The following C7 variants were observed in gnomAD, a reference collection of about 807,000 sequenced individuals.
C7 encodes the protein complement C7.
Under a neutral mutation model 104.8 loss-of-function variants are expected in C7, and 83 were observed. The observed-to-expected ratio is 0.79, with a 90% CI of 0.66 to 0.95. The LOEUF (loss-of-function observed/expected upper bound fraction) is 0.95, where lower values mean the gene tolerates loss of function less well. Among genes scored for constraint, C7 ranks in the 40% least tolerant of loss-of-function variants. The pLI, the probability that C7 is intolerant of heterozygous loss-of-function variation, is 0.00. For missense variants in C7, 1,070 were observed against 1,011.2 expected (o/e 1.06, Z -0.79); for synonymous variants, 415 against 360.6 (o/e 1.15, Z -1.71).
chr5:40,978,824 C>T (rs1996343), intron 16 of C7, among the ~76,000 whole-genome samples: 26,907 of 148,632 alleles, frequency 0.18, 2,946 homozygotes, highest in Middle Eastern at 0.37. Flanking sequence ...TATTTTTTTC[C>T]ACTATTTTAG....
intron 6 of C7, among the ~76,000 whole-genome samples, 183 bp from the exon 7 acceptor site, chr5:40,945,015 A>C (rs1174380253): frequency 6.6e-6 from 1 of 152,184 alleles, no homozygotes; most frequent in Non-Finnish European, 1.5e-5. Context: ...CCTGCTTAAT[A>C]AAAAAATAAT....
chr5:40,954,826 T>C (rs114193233), intron 9 of C7: 1,730 of 169,854 alleles, frequency 0.01, 34 homozygotes, highest in African/African-American at 0.041. Flanking sequence ...AGAGTTTGCA[T>C]TGAGTATGCC....
chr5:40,966,614 T>C lies in C7; in HGVS notation c.1882+1741T>C, dbSNP rs560899150. On this transcript the variant is annotated intron_variant, in intron 14 of 17. Transcript: ENST00000313164. Reference sequence around the variant, plus strand: ...GGATGGTCTTGAACTCCTGACCTCGTGATCTGCCTGAATCGGCCTCCCAAA... The same window carrying C: ...GGATGGTCTTGAACTCCTGACCTCGCGATCTGCCTGAATCGGCCTCCCAAA... 5.9e-5 allele frequency among the ~76,000 whole-genome samples: 9 copies of C among 152,186 alleles called. No individual in the cohort carries two copies. In the South Asian group the frequency reaches 1.7e-3, roughly 28 times the overall value.
chr5:40,974,711 C>T (rs901294292), intron 15 of C7, among the ~76,000 whole-genome samples: 39 of 152,256 alleles, frequency 2.6e-4, no homozygotes, highest in African/African-American at 8.9e-4. Flanking sequence ...AGCCACTGCG[C>T]CCGGCTTGAC....
chr5:40,942,666 A>G (rs1417549474), intron 6 of C7, among the ~76,000 whole-genome samples: 1 of 152,124 alleles, frequency 6.6e-6, no homozygotes, highest in Non-Finnish European at 1.5e-5. Flanking sequence ...GACTAGAGAA[A>G]TAAAGTATTG....
At chr5:40,972,311 C>A in intron 14 of C7, 92 bp from the exon 15 acceptor site, 2 of 1,017,796 alleles carry the variant, frequency 2.0e-6, no homozygotes, top group Non-Finnish European at 3.0e-6. Flanking sequence ...TATGAAAAAG[C>A]AGAACAAGTG....
chr5:40,971,657 T>G (rs1235780137), intron 14 of C7, among the ~76,000 whole-genome samples: 2 of 152,234 alleles, frequency 1.3e-5, no homozygotes, highest in Admixed American at 6.5e-5. Flanking sequence ...ATGAAGTCTT[T>G]GCCCATGCTT....
At chr5:40,953,978 G>T (rs1740233033) in intron 9 of C7, among the ~76,000 whole-genome samples, 1 of 61,408 alleles carries the variant, frequency 1.6e-5, no homozygotes, top group Admixed American at 1.9e-4. Context: ...AATTTGGACA[G>T]TTACAAGGAA....
At chr5:40,916,715 T>TAAA (rs542556625) in intron 1 of C7, among the ~76,000 whole-genome samples, 5 of 151,502 alleles carry the variant, frequency 3.3e-5, no homozygotes, top group African/African-American at 9.7e-5. Context: ...ATTTTTTTTT[T>TAAA]AAAAAAGCAT....
At chr5:40,957,899 G>T in intron 10 of C7, 134 bp from the exon 11 acceptor site, 1 of 556,052 alleles carries the variant, frequency 1.8e-6, no homozygotes, top group Non-Finnish European at 3.0e-6. Flanking sequence ...CTTTGTATTT[G>T]CATAAGAAAC....
At chr5:40,954,205 A>G (rs1740238022) in intron 9 of C7, among the ~76,000 whole-genome samples, 1 of 152,200 alleles carries the variant, frequency 6.6e-6, no homozygotes, top group African/African-American at 2.4e-5. Context: ...CAGATGCAAT[A>G]AACTGTTTTC....
At chr5:40,936,582 A>T in intron 5 of C7, 97 bp downstream of exon 5, 2 of 1,124,068 alleles carry the variant, frequency 1.8e-6, no homozygotes, top group Non-Finnish European at 2.5e-6. Context: ...AAGTCTTCTA[A>T]TAGGCAAGAT....
In C7 at chr5:40,981,876, A is replaced by T. The variant is rs561578629; in HGVS notation, c.*303A>T. 6.5e-5 allele frequency: 15 copies of T among 230,694 alleles called. No individual in the cohort carries two copies. The highest frequency in any genetic ancestry group is 2.3e-4 in the African/African-American group (10 of 44,412). 14.3% of individuals were successfully genotyped at this position (230,694 alleles called of 1,614,324 possible). Reference sequence around the variant, plus strand: ...TTTTTAAAATCTGTAAAATTAGAGGATTGCACTAGAGAAACTTGAATGCTC... The same window carrying T: ...TTTTTAAAATCTGTAAAATTAGAGGTTTGCACTAGAGAAACTTGAATGCTC... On this transcript the variant is annotated 3_prime_UTR_variant, in exon 18 of 18. Transcript: ENST00000313164.
chr5:40,955,579 T>C (rs753235290), intron 10 of C7, 26 bp downstream of exon 10: 1 of 1,592,806 alleles, frequency 6.3e-7, no homozygotes, highest in African/African-American at 1.3e-5. Flanking sequence ...TTTAAAGCAA[T>C]AGGAAGCAGT....
At chr5:40,950,979 G>A (rs114095153) in intron 9 of C7, among the ~76,000 whole-genome samples, 1 of 152,110 alleles carries the variant, frequency 6.6e-6, no homozygotes, top group South Asian at 2.1e-4. Context: ...TCCATTAAAA[G>A]ATTTAATACA....
chr5:40,910,011 C>T (rs1342937487), intron 1 of C7, among the ~76,000 whole-genome samples: 2 of 141,736 alleles, frequency 1.4e-5, no homozygotes, highest in Non-Finnish European at 3.0e-5. Context: ...GGATTAGGAG[C>T]CATGCAGTAG....
rs1739724498 is a variant in C7 at position 40,932,839 on chromosome 5, A to G, written c.139-1486A>G. ...TCATTATGCAATGGATACATCCTAGATTATAAAAACAAAATTTTCATTCAG... is the reference window on the plus strand; with the variant it reads ...TCATTATGCAATGGATACATCCTAGGTTATAAAAACAAAATTTTCATTCAG... On this transcript the variant is annotated intron_variant, in intron 3 of 17. Transcript: ENST00000313164. Among the ~76,000 whole-genome samples, 4 of 152,274 alleles carry G rather than the reference A, an allele frequency of 2.6e-5. No homozygotes were observed. In the South Asian group the frequency reaches 6.2e-4, roughly 24 times the overall value.
At chr5:40,946,456 C>T (rs983558153) in intron 7 of C7, among the ~76,000 whole-genome samples, 15 of 152,146 alleles carry the variant, frequency 9.9e-5, no homozygotes, top group Non-Finnish European at 1.6e-4. Flanking sequence ...GACTATGGAG[C>T]TATGAGTTGT....
intron 2 of C7, among the ~76,000 whole-genome samples, chr5:40,929,732 A>T (rs1241010896): frequency 6.6e-6 from 1 of 152,224 alleles, no homozygotes; most frequent in Non-Finnish European, 1.5e-5. Context: ...TGAGCATTTT[A>T]TGAGAGTCAA....
Sources: allele counts gnomAD v4.1 joint callset (sites outside exome capture counted in the v4.1 genomes callset), GRCh38; gene constraint gnomAD v4.1.1; transcripts MANE v1.5; gene names NCBI Gene and HGNC (gene_info 2026-07-23, HGNC 2026-07-21).